The following EPB41L3 variants were observed in gnomAD, a reference collection of about 807,000 sequenced individuals.
The protein encoded by EPB41L3 is band 4.1-like protein 3.
Under a neutral mutation model 127.1 loss-of-function variants are expected in EPB41L3, and 57 were observed. The observed-to-expected ratio is 0.45, with a 90% CI of 0.36 to 0.56. EPB41L3 has a LOEUF of 0.56. Among genes scored for constraint, EPB41L3 ranks in the 20% least tolerant of loss-of-function variants. The pLI is 0.00. For synonymous variants in EPB41L3, 572 were observed against 549.5 expected (o/e 1.04, Z -0.57); for missense variants, 1,273 against 1,372.2 (o/e 0.93, Z 1.14).
At chr18:5,538,915 T>C (rs1011817957) in intron 1 of EPB41L3, among the ~76,000 whole-genome samples, 2 of 151,974 alleles carry the variant, frequency 1.3e-5, no homozygotes, top group African/African-American at 4.8e-5. Flanking sequence ...ACCACGCCAT[T>C]AAAAATAATG....
At chr18:5,405,708 C>G (rs1042783707) in intron 16 of EPB41L3, among the ~76,000 whole-genome samples, 1 of 151,742 alleles carries the variant, frequency 6.6e-6, no homozygotes, top group Non-Finnish European at 1.5e-5. Flanking sequence ...AGGAGGATCA[C>G]TTAAACCCAG....
chr18:5,573,870 T>C (rs1004784414), intron 3 of EPB41L3, among the ~76,000 whole-genome samples: 2 of 152,086 alleles, frequency 1.3e-5, no homozygotes, highest in African/African-American at 2.4e-5. Flanking sequence ...CAATGAGCAG[T>C]TGTGAATTCA....
chr18:5,462,675 C>T (rs989762705), intron 3 of EPB41L3, among the ~76,000 whole-genome samples: 1 of 152,124 alleles, frequency 6.6e-6, no homozygotes, highest in African/African-American at 2.4e-5. Context: ...CTCCCTACTT[C>T]AAAGGTTAGT....
chr18:5,589,630 A>C (rs1785380), intron 3 of EPB41L3, among the ~76,000 whole-genome samples: 60,642 of 152,048 alleles, frequency 0.4, 12,729 homozygotes, highest in Non-Finnish European at 0.47. Flanking sequence ...TATATACCCC[A>C]GTCTTCCCAT....
At chr18:5,588,522 T>C (rs1337742806) in intron 3 of EPB41L3, among the ~76,000 whole-genome samples, 1 of 135,584 alleles carries the variant, frequency 7.4e-6, no homozygotes, top group Non-Finnish European at 1.7e-5. Context: ...GTATTATGTG[T>C]ATGTAAATAT....
At chr18:5,527,068 G>A (rs1306643409) in intron 1 of EPB41L3, among the ~76,000 whole-genome samples, 1 of 151,726 alleles carries the variant, frequency 6.6e-6, no homozygotes, top group Non-Finnish European at 1.5e-5. Context: ...GGGAACAAAG[G>A]GGCAGGCCAG....
intron 3 of EPB41L3, among the ~76,000 whole-genome samples, chr18:5,583,137 TA>T (rs1225802915): frequency 6.6e-6 from 1 of 152,182 alleles, no homozygotes; most frequent in Non-Finnish European, 1.5e-5. Flanking sequence ...TATACTATTT[TA>T]ACTGTCAGGT....
rs139648586 is a variant in EPB41L3, at chr18:5,433,007, C to T, written c.912+462G>A. Among the ~76,000 whole-genome samples, 159 of 152,242 alleles carry T rather than the reference C, an allele frequency of 1.0e-3. 1 individual carries two copies. Among genetic ancestry groups the T allele is most frequent in the African/African-American group, 3.6e-3 (151 of 41,546 alleles). The stretch of plus-strand genomic sequence containing the variant: ...ATGTGATGCTTGAGTCTTGGACAAT[C>T]GGCTGAGTTCGGACAGACAGATAGG... On this transcript the variant is annotated intron_variant, in intron 8 of 22. Transcript: ENST00000341928.
At chr18:5,446,617 G>GTGTGT (rs1203545180) in intron 3 of EPB41L3, among the ~76,000 whole-genome samples, 6 of 152,190 alleles carry the variant, frequency 3.9e-5, no homozygotes, top group African/African-American at 1.4e-4. Flanking sequence ...CCTGTGAGTC[G>GTGTGT]TGTGTTGTGT....
chr18:5,478,193 C>T (rs1193092225), intron 3 of EPB41L3, 48 bp downstream of exon 3: 8 of 1,544,576 alleles, frequency 5.2e-6, no homozygotes, highest in Non-Finnish European at 6.2e-6. Flanking sequence ...ACCAACATTC[C>T]CCAGCTCTCA....
chr18:5,395,580 A>ATAT, intron 20 of EPB41L3, 29 bp downstream of exon 20: 2 of 1,599,722 alleles, frequency 1.3e-6, no homozygotes, highest in South Asian at 1.1e-5. Context: ...CTCTCAAGGA[A>ATAT]TCCTCTTCTC....
chr18:5,573,988 G>A (rs1227034582), intron 3 of EPB41L3, among the ~76,000 whole-genome samples: 2 of 149,490 alleles, frequency 1.3e-5, no homozygotes, highest in Non-Finnish European at 3.0e-5. Context: ...TCGGCTCACT[G>A]CAACCTCCAC....
At chr18:5,480,520 T>C (rs1324362066) in intron 2 of EPB41L3, among the ~76,000 whole-genome samples, 1 of 152,220 alleles carries the variant, frequency 6.6e-6, no homozygotes, top group African/African-American at 2.4e-5. Context: ...AATTCAAATC[T>C]AGCCAAACCC....
upstream of EPB41L3, among the ~76,000 whole-genome samples, chr18:5,548,623 A>G (rs2093919563): frequency 6.6e-6 from 1 of 152,144 alleles, no homozygotes; most frequent in Admixed American, 6.5e-5. Context: ...TGATTTTTTT[A>G]CTTTCTCCAT....
chr18:5,432,258 G>A (rs1358433079), intron 8 of EPB41L3, among the ~76,000 whole-genome samples: 1 of 152,158 alleles, frequency 6.6e-6, no homozygotes, highest in South Asian at 2.1e-4. Context: ...GGGGTGCTGA[G>A]GTGTTTGCTC....
chr18:5,507,980 G>A (rs753634960), intron 1 of EPB41L3, among the ~76,000 whole-genome samples: 8 of 152,272 alleles, frequency 5.3e-5, no homozygotes, highest in South Asian at 2.1e-4. Flanking sequence ...GTGCTTACAT[G>A]AACTCCACTG....
At chr18:5,481,896 T>C (rs2088625522) in intron 2 of EPB41L3, among the ~76,000 whole-genome samples, 1 of 152,192 alleles carries the variant, frequency 6.6e-6, no homozygotes, top group African/African-American at 2.4e-5. Flanking sequence ...AAAAAATTTC[T>C]AAGCAAACAT....
intron 11 of EPB41L3, chr18:5,420,166 C>T: frequency 2.0e-6 from 1 of 495,658 alleles, no homozygotes; most frequent in Non-Finnish European, 3.6e-6. Flanking sequence ...TTCATCTATC[C>T]TCAGACTCTC....
intron 1 of EPB41L3, among the ~76,000 whole-genome samples, chr18:5,502,736 T>G (rs2091852139): frequency 6.6e-6 from 1 of 152,172 alleles, no homozygotes; most frequent in African/African-American, 2.4e-5. Flanking sequence ...TCCTGGAAAG[T>G]GTCACAAGTT....
Sources: gnomAD v4.1 joint callset for allele counts (sites outside exome capture counted in the v4.1 genomes callset) on GRCh38, gnomAD v4.1.1 for gene constraint, MANE v1.5 for transcripts, NCBI Gene and HGNC (gene_info 2026-07-23, HGNC 2026-07-21) for gene names.